EPB41L4A: variants seen among roughly 807,000 people sequenced by gnomAD.
EPB41L4A encodes band 4.1-like protein 4A.
Under a neutral mutation model 108.6 loss-of-function variants are expected in EPB41L4A, and 100 were observed. The ratio of observed to expected loss-of-function variants is 0.92; its 90% CI spans 0.78 to 1.09. EPB41L4A has a LOEUF of 1.09. Among genes scored for constraint, EPB41L4A ranks in the 50% least tolerant of loss-of-function variants. The pLI, the probability that EPB41L4A is intolerant of heterozygous loss-of-function variation, is 0.00. For synonymous variants in EPB41L4A, 319 were observed against 289.0 expected (o/e 1.10, Z -1.05); for missense variants, 1,030 against 842.7 (o/e 1.22, Z -2.75).
At chr5:112,372,281 C>T (rs1032205546) in intron 1 of EPB41L4A, among the ~76,000 whole-genome samples, 1 of 152,092 alleles carries the variant, frequency 6.6e-6, no homozygotes, top group Non-Finnish European at 1.5e-5. Context: ...ATGCCAGATG[C>T]TTATAAAACC....
intron 12 of EPB41L4A, among the ~76,000 whole-genome samples, chr5:112,152,432 G>T (rs1382698739): frequency 6.6e-6 from 1 of 152,128 alleles, no homozygotes; most frequent in African/African-American, 2.4e-5. Context: ...CAAGGTGATG[G>T]TATCAAGAAG....
intron 1 of EPB41L4A, among the ~76,000 whole-genome samples, chr5:112,316,125 C>A (rs1020596428): frequency 6.6e-6 from 1 of 152,160 alleles, no homozygotes; most frequent in South Asian, 2.1e-4. Flanking sequence ...TTTGAAAATA[C>A]CATCAATGGA....
intron 4 of EPB41L4A, among the ~76,000 whole-genome samples, chr5:112,274,945 A>C (rs549643647): frequency 6.6e-6 from 1 of 152,386 alleles, no homozygotes; most frequent in South Asian, 2.1e-4. Context: ...AATTAAAAAG[A>C]AATACCTGGC....
chr5:112,411,971 T>A (rs7731866), intron 1 of EPB41L4A, among the ~76,000 whole-genome samples: 1 of 152,190 alleles, frequency 6.6e-6, no homozygotes, highest in African/African-American at 2.4e-5. Flanking sequence ...CGGCCCCCAC[T>A]GTTCTCTAAA....
chr5:112,413,197 T>C (rs532477209), intron 1 of EPB41L4A, among the ~76,000 whole-genome samples: 1 of 152,312 alleles, frequency 6.6e-6, no homozygotes, highest in East Asian at 1.9e-4. Context: ...AGAGAAAGAT[T>C]TGGTACTTAC....
intron 2 of EPB41L4A, among the ~76,000 whole-genome samples, chr5:112,294,006 T>C (rs965142056): frequency 1.3e-5 from 2 of 152,196 alleles, no homozygotes; most frequent in Admixed American, 6.5e-5. Flanking sequence ...ACACATGACA[T>C]TGTTTGAACT....
At chr5:112,372,661 A>T (rs1189876908) in intron 1 of EPB41L4A, among the ~76,000 whole-genome samples, 1 of 152,200 alleles carries the variant, frequency 6.6e-6, no homozygotes, top group African/African-American at 2.4e-5. Context: ...AAGAGGAGAA[A>T]GAACCAGATA....
chr5:112,400,897 A>G (rs1249881289), intron 1 of EPB41L4A, among the ~76,000 whole-genome samples: 3 of 152,230 alleles, frequency 2.0e-5, no homozygotes, highest in Admixed American at 2.0e-4. Context: ...AGTACTGTTA[A>G]AACTTCCATG....
At chr5:112,168,006 C>T (rs561782916) in intron 22 of EPB41L4A, among the ~76,000 whole-genome samples, 13 of 152,324 alleles carry the variant, frequency 8.5e-5, no homozygotes, top group African/African-American at 2.9e-4. Context: ...AACCACAACA[C>T]GACGAACAAC....
chr5:112,359,912 T>G lies in EPB41L4A; in HGVS notation c.100-52422A>C, dbSNP rs1356925768. Among the ~76,000 whole-genome samples the G allele has an allele frequency of 4.6e-5, 7 of 152,254 alleles. No homozygotes were observed. In the South Asian group the frequency reaches 8.3e-4, roughly 18 times the overall value. On this transcript the variant is annotated intron_variant, in intron 1 of 22. Transcript: ENST00000261486. Reference sequence around the variant, plus strand: ...TTCTGAATAATTATGATACAGCATTTTCACTTTCCATCTCAACATACATGT... The same window carrying G: ...TTCTGAATAATTATGATACAGCATTGTCACTTTCCATCTCAACATACATGT...
intron 11 of EPB41L4A, among the ~76,000 whole-genome samples, chr5:112,239,307 C>T (rs1749600887): frequency 6.6e-6 from 1 of 152,164 alleles, no homozygotes; most frequent in African/African-American, 2.4e-5. Flanking sequence ...AGGGGATCAA[C>T]TGAATGTCTT....
chr5:112,256,994 T>A (rs1028977846), intron 9 of EPB41L4A: 10 of 152,210 alleles, frequency 6.6e-5, no homozygotes, highest in African/African-American at 1.9e-4. Flanking sequence ...GAATTTGGCC[T>A]AAATGCAATG....
chr5:112,321,801 T>C (rs1187001746), intron 1 of EPB41L4A, among the ~76,000 whole-genome samples: 1 of 152,222 alleles, frequency 6.6e-6, no homozygotes, highest in Non-Finnish European at 1.5e-5. Flanking sequence ...ATTTAACCTA[T>C]ACTAACTGAA....
intron 12 of EPB41L4A, among the ~76,000 whole-genome samples, chr5:112,217,194 T>A (rs1045400242): frequency 8.5e-5 from 13 of 152,142 alleles, no homozygotes; most frequent in African/African-American, 3.1e-4. Flanking sequence ...TCCACCTGCC[T>A]CAGCCTCCCA....
intron 9 of EPB41L4A, among the ~76,000 whole-genome samples, chr5:112,254,232 A>G (rs1453577661): frequency 1.3e-5 from 2 of 152,204 alleles, no homozygotes; most frequent in Non-Finnish European, 2.9e-5. Flanking sequence ...CTTGTTGCCA[A>G]AACCAAGAAA....
chr5:112,209,457 G>T (rs1032066353), intron 13 of EPB41L4A, among the ~76,000 whole-genome samples: 1 of 152,200 alleles, frequency 6.6e-6, no homozygotes, highest in African/African-American at 2.4e-5. Context: ...GACTTCTGAG[G>T]ATCTGATGCC....
At chr5:112,379,652 A>G (rs1348716587) in intron 1 of EPB41L4A, among the ~76,000 whole-genome samples, 2 of 152,156 alleles carry the variant, frequency 1.3e-5, no homozygotes, top group Non-Finnish European at 2.9e-5. Context: ...CCAACAGCAA[A>G]CTGCATAAGA....
intron 1 of EPB41L4A, among the ~76,000 whole-genome samples, chr5:112,382,285 A>C (rs115686916): frequency 0.011 from 1,736 of 152,268 alleles, 30 homozygotes; most frequent in African/African-American, 0.038. Context: ...ACCTAAGTTC[A>C]GGCTCAAGAA....
intron 4 of EPB41L4A, among the ~76,000 whole-genome samples, chr5:112,273,586 A>T (rs909141824): frequency 7.9e-5 from 12 of 152,236 alleles, no homozygotes; most frequent in African/African-American, 2.9e-4. Flanking sequence ...AGTACGAGAC[A>T]CGGACAATCA....
Sources: gnomAD v4.1 joint callset for allele counts (sites outside exome capture counted in the v4.1 genomes callset) on GRCh38, gnomAD v4.1.1 for gene constraint, MANE v1.5 for transcripts, NCBI Gene and HGNC (gene_info 2026-07-23, HGNC 2026-07-21) for gene names.